LMOD1: variants seen among roughly 807,000 people sequenced by gnomAD.
The protein encoded by LMOD1 is leiomodin 1, also known as leiomodin-1.
A neutral mutation model predicts 36.5 loss-of-function variants in LMOD1; 8 were observed. The ratio of observed to expected loss-of-function variants is 0.22; its 90% CI spans 0.13 to 0.40. LMOD1 has a LOEUF of 0.40. LMOD1 is among the 10% of genes least tolerant of loss of function. The pLI is 1.00. For synonymous variants in LMOD1, 284 were observed against 288.7 expected (o/e 0.98, Z 0.17); for missense variants, 630 against 751.1 (o/e 0.84, Z 1.88).
chr1:201,912,004 G>A lies in LMOD1; in HGVS notation c.262-11253C>T, dbSNP rs538816100. ...CTGAGCACTAACAAGATCCACAGGG[G>A]GTTTCTGGCAGAAGCAAACAGTAAG... is the stretch of plus-strand genomic sequence containing the variant. On this transcript the variant is annotated intron_variant, in intron 1 of 2. Coordinates refer to ENST00000367288, the MANE Select transcript of LMOD1 (RefSeq NM_012134.3). 5.3e-5 allele frequency among the ~76,000 whole-genome samples: 8 copies of A among 152,284 alleles called. No homozygotes were observed. In the East Asian group the frequency reaches 1.2e-3, roughly 22 times the overall value.
rs1027625441 is a variant in LMOD1 at position 201,939,735 on chromosome 1, G to A, written c.261+6345C>T. Among the ~76,000 whole-genome samples the A allele has an allele frequency of 6.0e-5, 9 of 150,892 alleles. No homozygotes were observed. In the South Asian group the frequency reaches 1.9e-3, roughly 32 times the overall value. On this transcript the variant is annotated intron_variant, in intron 1 of 2. Transcript: ENST00000367288. The stretch of plus-strand genomic sequence containing the variant: ...GCCACTCCTGTCCCCCATGCATGGC[G>A]CTGTGTGTTGTTCCTCTGCTCCTGC...
chr1:201,918,893 T>A (rs1164420706), intron 1 of LMOD1, among the ~76,000 whole-genome samples: 1 of 152,214 alleles, frequency 6.6e-6, no homozygotes, highest in Non-Finnish European at 1.5e-5. Flanking sequence ...TTTCAGTGTG[T>A]ACTCTATTTC....
At chr1:201,909,107 T>C (rs1199732807) in intron 1 of LMOD1, among the ~76,000 whole-genome samples, 1 of 152,150 alleles carries the variant, frequency 6.6e-6, no homozygotes, top group Non-Finnish European at 1.5e-5. Flanking sequence ...CTAAGGCCCA[T>C]GCAGTCATGA....
chr1:201,925,268 A>C (rs1681808685), intron 1 of LMOD1, among the ~76,000 whole-genome samples: 1 of 152,148 alleles, frequency 6.6e-6, no homozygotes, highest in Non-Finnish European at 1.5e-5. Flanking sequence ...TGACCTCTCT[A>C]AGCCTCAGAT....
Position 201,899,164 on chromosome 1 carries a change from CT to C in LMOD1, c.1776+72del. 7.3e-7 allele frequency: 1 copy of C among 1,372,292 alleles called. No individual in the cohort carries two copies. Among genetic ancestry groups the C allele is most frequent in the Non-Finnish European group, 9.8e-7 (1 of 1,021,604 alleles). The allele number at this position is 1,372,292 out of a possible 1,614,324, so 85.0% of individuals were successfully genotyped here. A position where few individuals can be genotyped will look rare whatever the true frequency, so the allele number is the denominator to read the frequency against. Reference sequence around the variant, plus strand: ...ACATAAGCTCCTCTGCATGCCTTCCCTTTTGCAGTCCTACCCTCTCCTCCAG... The same window carrying C: ...ACATAAGCTCCTCTGCATGCCTTCCCTTTGCAGTCCTACCCTCTCCTCCAG... On this transcript the variant is annotated intron_variant, in intron 2 of 2. Coordinates refer to ENST00000367288, the MANE Select transcript of LMOD1 (RefSeq NM_012134.3). This position sits in a 1 kb window ranked among gnomAD's most constrained non-coding sequence, Gnocchi z 6.3.
At chr1:201,924,198 C>A (rs1202048351) in intron 1 of LMOD1, among the ~76,000 whole-genome samples, 9 of 150,298 alleles carry the variant, frequency 6.0e-5, no homozygotes, top group Admixed American at 6.0e-4. Flanking sequence ...GTGGCGGGCA[C>A]CTATAGTCCC....
chr1:201,943,684 C>G (rs1445407245), intron 1 of LMOD1, among the ~76,000 whole-genome samples: 1 of 152,198 alleles, frequency 6.6e-6, no homozygotes, highest in South Asian at 2.1e-4. Flanking sequence ...TTTCTGGGTT[C>G]CTTGACTCAG....
chr1:201,906,238 A>T (rs1681408176), intron 1 of LMOD1, among the ~76,000 whole-genome samples: 1 of 152,222 alleles, frequency 6.6e-6, no homozygotes, highest in Non-Finnish European at 1.5e-5. Flanking sequence ...TTTCTCCTTG[A>T]CCAAAGTTAT....
intron 1 of LMOD1, among the ~76,000 whole-genome samples, chr1:201,921,134 G>T (rs1681696842): frequency 2.0e-5 from 3 of 151,840 alleles, no homozygotes; most frequent in East Asian, 3.9e-4. Context: ...GATGAGGGTG[G>T]CACTTGAGAT....
At chr1:201,924,797 G>A (rs569868410) in intron 1 of LMOD1, among the ~76,000 whole-genome samples, 59 of 152,332 alleles carry the variant, frequency 3.9e-4, no homozygotes, top group Non-Finnish European at 7.1e-4. Context: ...GGCTGAGGCC[G>A]GAGGATGAAG....
chr1:201,901,660 G>A (rs925605895), intron 1 of LMOD1, among the ~76,000 whole-genome samples: 35 of 85,598 alleles, frequency 4.1e-4, no homozygotes, highest in Middle Eastern at 6.8e-3. Flanking sequence ...ATATATATGT[G>A]TATATATATA....
In LMOD1 at chr1:201,899,278, A is replaced by G; in HGVS notation, c.1735T>C (p.Leu579=). ...AGGTTGCTGGAGCGGATGGCAGCCA[A>G]TAGCTGGTCACGGGAGTTCTTCTCC... The part of the protein sequence containing the change: ...AQEKNSRDQL[L]AAIRSSNLKQ... The change falls in exon 2 of 3, where the codon TTG becomes CTG. Residue 579 remains leucine, a synonymous_variant. Transcript: ENST00000367288. The surrounding 1 kb of genome is among the most constrained non-coding windows in gnomAD (Gnocchi z 6.3). The G allele has an allele frequency of 6.2e-7, 1 of 1,604,754 alleles. No individual in the cohort carries two copies. The highest frequency in any genetic ancestry group is 1.3e-5 in the African/African-American group (1 of 74,850).
At chr1:201,927,896 G>A in intron 1 of LMOD1, among the ~76,000 whole-genome samples, 1 of 152,204 alleles carries the variant, frequency 6.6e-6, no homozygotes, top group Admixed American at 6.5e-5. Context: ...GTCCTCCAAA[G>A]TTCATACATT....
rs751574917 is a variant in LMOD1 at position 201,900,209 on chromosome 1, A to T, written c.804T>A (p.Asp268Glu). 6 of 1,613,050 alleles carry T rather than the reference A, an allele frequency of 3.7e-6. No homozygotes were observed. The highest frequency in any genetic ancestry group is 2.2e-5 in the East Asian group (1 of 44,844). Residue 268 changes from aspartate (D) to glutamate (E), a missense_variant, in exon 2 of 3, where the codon GAT (aspartate) becomes GAA (glutamate). Around this residue, in one of 3 missense-constraint regions of LMOD1, gnomAD observed 405 missense variants for 400.6 expected, o/e 1.01. Transcript: ENST00000367288. ...GTGNTDTKKD[D>E]EKVKKNEPLH... Reference sequence around the variant, plus strand: ...AGGGTTCATTCTTCTTGACTTTTTCATCGTCCTTTTTGGTGTCTGTGTTCC... The same window carrying T: ...AGGGTTCATTCTTCTTGACTTTTTCTTCGTCCTTTTTGGTGTCTGTGTTCC...
intron 1 of LMOD1, among the ~76,000 whole-genome samples, chr1:201,920,045 C>CTTTTTTTTT (rs576044641): frequency 1.9e-5 from 1 of 52,502 alleles, no homozygotes; most frequent in Admixed American, 2.8e-4. Flanking sequence ...GGCTCTCTCT[C>CTTTTTTTTT]TTTTTTTTTT....
At chr1:201,924,665 AAAAGAAAG>A (rs547652390) in intron 1 of LMOD1, among the ~76,000 whole-genome samples, 8,485 of 130,024 alleles carry the variant, frequency 0.065, 381 homozygotes, top group African/African-American at 0.11. Context: ...AGAAAGAAAA[AAAAGAAAG>A]AAAGAAAGAA....
chr1:201,942,012 G>C (rs945042936), intron 1 of LMOD1, among the ~76,000 whole-genome samples: 5 of 152,232 alleles, frequency 3.3e-5, no homozygotes. Flanking sequence ...TCACTGAACC[G>C]TTGGCTACAG....
intron 1 of LMOD1, among the ~76,000 whole-genome samples, chr1:201,904,330 C>T (rs1407198568): frequency 6.6e-6 from 1 of 152,170 alleles, no homozygotes. Context: ...CCTGCCTCAG[C>T]CTCCCAAGTA....
intron 1 of LMOD1, among the ~76,000 whole-genome samples, chr1:201,918,572 G>T (rs1681646847): frequency 6.6e-6 from 1 of 152,146 alleles, no homozygotes; most frequent in Admixed American, 6.5e-5. Flanking sequence ...CCTACCCCAT[G>T]CTGGGCTCTC....
Sources: allele counts gnomAD v4.1 joint callset (sites outside exome capture counted in the v4.1 genomes callset), GRCh38; gene constraint gnomAD v4.1.1; regional missense constraint gnomAD v4.1.1; non-coding constraint Gnocchi (gnomAD v3.1); transcripts MANE v1.5; gene names NCBI Gene and HGNC (gene_info 2026-07-23, HGNC 2026-07-21).